The following KLF17 variants were observed in gnomAD, a reference collection of about 807,000 sequenced individuals.
KLF17 encodes the protein Krueppel-like factor 17.
Under a neutral mutation model 34.2 loss-of-function variants are expected in KLF17, and 31 were observed. The ratio of observed to expected loss-of-function variants is 0.91; its 90% CI spans 0.68 to 1.22. The LOEUF is 1.22. Among genes scored for constraint, KLF17 ranks in the 50% most tolerant of loss-of-function variants. The probability of loss-of-function intolerance (pLI) is 0.00; values close to 1 mark genes in which losing one functional copy is unlikely to be tolerated. For missense variants in KLF17, 478 were observed against 505.2 expected, an observed-to-expected ratio of 0.95 and a Z score of 0.52; for synonymous variants, 179 against 186.7, an observed-to-expected ratio of 0.96 and a Z score of 0.34.
At chr1:44,104,708 A>G in the KLF17 span, 3 of 360,738 alleles carry the variant, frequency 8.3e-6, no homozygotes, top group Non-Finnish European at 1.6e-5. Context: ...GGAGCGGCAT[A>G]GCAGCATTTT....
chr1:44,099,869 G>GAAAGAAAGAAAGAAAGAAAGAAAA, the KLF17 span, among the ~76,000 whole-genome samples: 1 of 51,420 alleles, frequency 1.9e-5, no homozygotes, highest in African/African-American at 6.0e-5. Context: ...AAGAAAGAAA[G>GAAAGAAAGAAAGAAAGAAAGAAAA]AAAGAAAGAA....
At chr1:44,084,283 T>G in the KLF17 span, among the ~76,000 whole-genome samples, 1 of 152,200 alleles carries the variant, frequency 6.6e-6, no homozygotes, top group African/African-American at 2.4e-5. Flanking sequence ...GGGATTAGTG[T>G]GTCAGTAAGA....
At chr1:44,044,047 T>C in the KLF17 span, 2 of 152,622 alleles carry the variant, frequency 1.3e-5, no homozygotes, top group African/African-American at 2.4e-5. Flanking sequence ...TAACCAGCTG[T>C]GGCCTGTTCT....
the KLF17 span, among the ~76,000 whole-genome samples, chr1:44,077,705 G>C: frequency 6.6e-6 from 1 of 152,202 alleles, no homozygotes; most frequent in Non-Finnish European, 1.5e-5. Context: ...TGTGATCTCT[G>C]CTTCTTCAAG....
the KLF17 span, among the ~76,000 whole-genome samples, chr1:44,069,639 C>T: frequency 6.6e-6 from 1 of 152,184 alleles, no homozygotes; most frequent in Non-Finnish European, 1.5e-5. The surrounding 1 kb of genome is among the most constrained non-coding windows in gnomAD (Gnocchi z 4.7). Flanking sequence ...TAAACACCTC[C>T]CACTAGGCCC....
the KLF17 span, among the ~76,000 whole-genome samples, chr1:44,090,196 T>A: frequency 6.8e-6 from 1 of 147,714 alleles, no homozygotes; most frequent in Non-Finnish European, 1.5e-5. Context: ...ATATGGCCCT[T>A]TTAAGAAAAA....
chr1:44,091,843 C>T, the KLF17 span, among the ~76,000 whole-genome samples: 7 of 148,508 alleles, frequency 4.7e-5, no homozygotes, highest in Admixed American at 1.4e-4. Context: ...CCTAGGAGTT[C>T]GAGGCTGCAG....
the KLF17 span, among the ~76,000 whole-genome samples, chr1:44,072,525 A>AAAATAAAT: frequency 5.0e-4 from 76 of 150,766 alleles, no homozygotes; most frequent in African/African-American, 9.8e-4. Flanking sequence ...TGTCTCTACA[A>AAAATAAAT]AAATAAATAA....
At chr1:44,049,245 A>G in the KLF17 span, among the ~76,000 whole-genome samples, 1 of 151,918 alleles carries the variant, frequency 6.6e-6, no homozygotes, top group Admixed American at 6.6e-5. Flanking sequence ...TCTAAACCTA[A>G]TTTCTTCCCA....
rs762736213 is a variant in KLF17, at chr1:44,130,132, C to T, written c.861C>T (p.Tyr287=). 1.8e-5 allele frequency: 29 copies of T among 1,614,094 alleles called. No individual in the cohort carries two copies. Among genetic ancestry groups the T allele is most frequent in the Non-Finnish European group, 2.3e-5 (27 of 1,180,050 alleles). Residue 287 remains tyrosine (Y), a synonymous_variant, in exon 2 of 4, where the codon TAC becomes TAT. Coordinates refer to ENST00000372299, the MANE Select transcript of KLF17 (RefSeq NM_173484.4). ...AGGCAAGGCCTTACTGCTGCAACTA[C>T]GAGAACTGCGGAAAAGCTTATACCA... is the stretch of plus-strand genomic sequence containing the variant. The part of the protein sequence containing the change: ...SSEARPYCCN[Y]ENCGKAYTKR...
the KLF17 span, among the ~76,000 whole-genome samples, chr1:44,060,168 T>C: frequency 4.7e-4 from 71 of 152,038 alleles, no homozygotes; most frequent in African/African-American, 1.7e-3. Context: ...CAGCCTTCTG[T>C]ATATAAAAAA....
chr1:44,102,620 G>A, the KLF17 span, among the ~76,000 whole-genome samples: 43,656 of 133,190 alleles, frequency 0.33, 7,692 homozygotes, highest in South Asian at 0.39. Context: ...ACACAGAAAA[G>A]AAAAAGAAAA....
chr1:44,072,621 G>A, the KLF17 span, among the ~76,000 whole-genome samples: 1 of 152,132 alleles, frequency 6.6e-6, no homozygotes. Context: ...GGATGCCCGG[G>A]AGTTCCAGGC....
the KLF17 span, among the ~76,000 whole-genome samples, chr1:44,068,492 A>G: frequency 1.3e-5 from 2 of 152,190 alleles, no homozygotes; most frequent in Admixed American, 1.3e-4. Context: ...CCTCCCTGTT[A>G]CTGGGGCAGA....
At chr1:44,088,026 C>G in the KLF17 span, 2 of 218,278 alleles carry the variant, frequency 9.2e-6, no homozygotes, top group Non-Finnish European at 2.0e-5. Flanking sequence ...CAGGACAAAG[C>G]TGACAATGGC....
the KLF17 span, among the ~76,000 whole-genome samples, chr1:44,111,847 C>T: frequency 3.3e-5 from 5 of 152,158 alleles, no homozygotes; most frequent in Admixed American, 1.3e-4. Flanking sequence ...GAGCTGAGAT[C>T]GCGCCATTGC....
chr1:44,050,004 T>G, the KLF17 span, among the ~76,000 whole-genome samples: 1 of 152,230 alleles, frequency 6.6e-6, no homozygotes, highest in African/African-American at 2.4e-5. Flanking sequence ...GATTCATGCC[T>G]GGGGTGATTC....
intron 1 of KLF17, among the ~76,000 whole-genome samples, chr1:44,124,595 C>T (rs569064175): frequency 9.9e-4 from 149 of 151,016 alleles, no homozygotes; most frequent in African/African-American, 3.5e-3. Flanking sequence ...CCGGGGTTCA[C>T]GCCATTCTCC....
the KLF17 span, among the ~76,000 whole-genome samples, chr1:44,087,530 C>A: frequency 6.6e-6 from 1 of 151,304 alleles, no homozygotes; most frequent in East Asian, 1.9e-4. Context: ...TCCCAAAGTG[C>A]TGGGATTATA....
Sources: gnomAD v4.1 joint callset for allele counts (sites outside exome capture counted in the v4.1 genomes callset) on GRCh38, gnomAD v4.1.1 for gene constraint, Gnocchi (gnomAD v3.1) non-coding constraint, MANE v1.5 for transcripts, NCBI Gene and HGNC (gene_info 2026-07-23, HGNC 2026-07-21) for gene names.